The following ABCA4 variants were observed in gnomAD, a reference collection of about 807,000 sequenced individuals.
ABCA4 encodes the protein ATP binding cassette subfamily A member 4, also known as retinal-specific phospholipid-transporting ATPase ABCA4.
In ABCA4, 196 loss-of-function variants were observed where a neutral mutation model predicts 263.7. That is an observed-to-expected ratio of 0.74 (90% CI 0.66 to 0.84). The LOEUF (loss-of-function observed/expected upper bound fraction) is 0.84. ABCA4 is among the 40% of genes least tolerant of loss of function. The probability of loss-of-function intolerance (pLI) is 0.00; values close to 1 mark genes in which losing one functional copy is unlikely to be tolerated. For missense variants in ABCA4, 2,792 were observed against 2,855.1 expected, an observed-to-expected ratio of 0.98 and a Z score of 0.50; for synonymous variants, 1,133 against 1,094.2, an observed-to-expected ratio of 1.04 and a Z score of -0.70.
intron 35 of ABCA4, among the ~76,000 whole-genome samples, chr1:94,020,103 A>G (rs537307316): frequency 6.6e-6 from 1 of 152,312 alleles, no homozygotes; most frequent in African/African-American, 2.4e-5. Flanking sequence ...CTGTCTATAG[A>G]GTCTCTTGAA....
intron 6 of ABCA4, among the ~76,000 whole-genome samples, chr1:94,092,683 T>G (rs1222300277): frequency 6.7e-6 from 1 of 149,454 alleles, no homozygotes; most frequent in Non-Finnish European, 1.5e-5. Flanking sequence ...ATGAGACTCT[T>G]TGGCTCAACA....
chr1:94,044,782 T>G, intron 19 of ABCA4, 38 bp from the exon 20 acceptor site: 1 of 1,614,120 alleles, frequency 6.2e-7, no homozygotes, highest in Admixed American at 1.7e-5. Flanking sequence ...AGAGATGGCC[T>G]TTAGCAACAT....
chr1:94,058,889 C>T (rs574559854), intron 14 of ABCA4, among the ~76,000 whole-genome samples: 1 of 152,172 alleles, frequency 6.6e-6, no homozygotes, highest in African/African-American at 2.4e-5. Context: ...CAGCTTCTTT[C>T]CTGTGTTGTT....
In ABCA4 at chr1:94,077,843, C is replaced by A; in HGVS notation, c.1401G>T (p.Gln467His). 6.2e-7 allele frequency: 1 copy of A among 1,614,228 alleles called. No individual in the cohort carries two copies. Among genetic ancestry groups the A allele is most frequent in the Non-Finnish European group, 8.5e-7 (1 of 1,180,038 alleles). Reference sequence around the variant, plus strand: ...CAGCAGTAATACCTTCTTCACCAAGCTGCCTATTCAAAAAGTCTTTTACTG... The same window carrying A: ...CAGCAGTAATACCTTCTTCACCAAGATGCCTATTCAAAAAGTCTTTTACTG... ...NPTVKDFLNRQLGEEGITAEA... is the reference protein window; with the variant it reads ...NPTVKDFLNRHLGEEGITAEA... Residue 467 changes from glutamine (Q) to histidine (H), a missense_variant, in exon 11 of 50, where the codon CAG (glutamine) becomes CAT (histidine). By Grantham distance (24) the Gln-to-His change is conservative. Transcript: ENST00000370225.
At chr1:94,004,824 A>G (rs944985481) in intron 44 of ABCA4, among the ~76,000 whole-genome samples, 1 of 152,060 alleles carries the variant, frequency 6.6e-6, no homozygotes, top group South Asian at 2.1e-4. Flanking sequence ...TTTCTGGTTT[A>G]TCCTTTCTAC....
chr1:94,067,973 A>G (rs1370711879), intron 11 of ABCA4, among the ~76,000 whole-genome samples: 1 of 152,196 alleles, frequency 6.6e-6, no homozygotes, highest in Non-Finnish European at 1.5e-5. Context: ...GTTTTTGCAA[A>G]ATATCTTGAA....
chr1:94,119,394 C>G (rs1335601450), intron 1 of ABCA4, among the ~76,000 whole-genome samples: 1 of 152,210 alleles, frequency 6.6e-6, no homozygotes, highest in Non-Finnish European at 1.5e-5. Context: ...CCTGGGCCAG[C>G]CACACACAGG....
At chr1:94,058,443 C>A (rs949731622) in intron 14 of ABCA4, among the ~76,000 whole-genome samples, 4 of 152,170 alleles carry the variant, frequency 2.6e-5, no homozygotes, top group Non-Finnish European at 2.9e-5. Context: ...CTCACTGAGA[C>A]CTCCACCTCC....
Position 94,014,535 on chromosome 1 carries a change from A to G in ABCA4, c.5460+8T>C, listed in dbSNP as rs562309815. The G allele has an allele frequency of 2.5e-6, 4 of 1,614,196 alleles. No individual in the cohort carries two copies. Reference sequence around the variant, plus strand: ...ATCAAACAAAAAAGCCAAGAAAGTTATGCTCACCCGGTTATTCTCAAATAA... The same window carrying G: ...ATCAAACAAAAAAGCCAAGAAAGTTGTGCTCACCCGGTTATTCTCAAATAA... On this transcript the variant is annotated splice_region_variant and intron_variant, in intron 38 of 49. Coordinates refer to ENST00000370225, the MANE Select transcript of ABCA4 (RefSeq NM_000350.3).
chr1:94,022,981 T>C (rs2101025460), intron 32 of ABCA4, among the ~76,000 whole-genome samples: 1 of 152,330 alleles, frequency 6.6e-6, no homozygotes, highest in African/African-American at 2.4e-5. Context: ...ACCTCCAGGA[T>C]GCCTCAGGAA....
intron 6 of ABCA4, among the ~76,000 whole-genome samples, chr1:94,092,360 G>A (rs999829014): frequency 1.3e-5 from 2 of 152,212 alleles, no homozygotes; most frequent in African/African-American, 4.8e-5. Flanking sequence ...ACATTTATCC[G>A]GGAGGGAAGT....
chr1:94,001,752 C>T, intron 45 of ABCA4, 106 bp downstream of exon 45: 3 of 1,542,618 alleles, frequency 1.9e-6, no homozygotes, highest in Non-Finnish European at 2.7e-6. Flanking sequence ...CAGACTAAAG[C>T]CAAACTGCTG....
intron 16 of ABCA4, among the ~76,000 whole-genome samples, chr1:94,053,314 G>C (rs1053730304): frequency 2.0e-5 from 3 of 152,190 alleles, no homozygotes; most frequent in Non-Finnish European, 4.4e-5. Flanking sequence ...TGGAGTCTGT[G>C]TGAATTCTGG....
chr1:94,080,598 G>A lies in ABCA4; in HGVS notation c.979C>T (p.Pro327Ser). ...AGCACCCGAGAGCCACCTCCCTCGG[G>A]GTAGCCACACAGGAGGTCAGACAGG... ...GILSDLLCGY[P>S]EGGGSRVLSF... is the part of the protein sequence containing the mutation. The change falls in exon 8 of 50, where the codon CCC (proline) becomes TCC (serine). Residue 327 changes from proline to serine, a missense_variant. By Grantham distance (74) the Pro-to-Ser change is moderately conservative. Coordinates refer to ENST00000370225, the MANE Select transcript of ABCA4 (RefSeq NM_000350.3). 6.2e-7 allele frequency: 1 copy of A among 1,614,072 alleles called. No homozygotes were observed. Among genetic ancestry groups the A allele is most frequent in the Non-Finnish European group, 8.5e-7 (1 of 1,180,016 alleles).
At position 94,108,689 on chromosome 1, in the gene ABCA4, T is replaced by C. The variant is rs753880365; in HGVS notation, c.330A>G (p.Gln110=). 1.3e-5 allele frequency: 21 copies of C among 1,613,932 alleles called. No homozygotes were observed. The highest frequency in any genetic ancestry group is 1.6e-5 in the Non-Finnish European group (19 of 1,180,024). ...SILARVYRDF[Q]ELLMNAPESQ... ...TCTCTGGTGCATTCATGAGGAGTTC[T>C]TGAAAATCTCGATATACCCTTGCCA... Residue 110 remains glutamine, a synonymous_variant, in exon 4 of 50, where the codon CAA becomes CAG. Coordinates refer to ENST00000370225, the MANE Select transcript of ABCA4 (RefSeq NM_000350.3).
rs541209823 is a variant in ABCA4 at position 93,993,392 on chromosome 1, G to A, written c.6817-150C>T. On this transcript the variant is annotated intron_variant, in intron 49 of 49. Transcript: ENST00000370225. ...GATTCTGTCAGATCACCCAGGTTAT[G>A]GGCCATCTTTCTCTCCTTCTCTATG... 5.2e-6 allele frequency: 5 copies of A among 964,330 alleles called. No homozygotes were observed. In the East Asian group the frequency reaches 1.3e-4, roughly 25 times the overall value. The allele number at this position is 964,330 out of a possible 1,614,324, so 59.7% of individuals were successfully genotyped here.
chr1:94,001,659 T>C (rs975201925), intron 45 of ABCA4, 199 bp downstream of exon 45: 1 of 781,406 alleles, frequency 1.3e-6, no homozygotes, highest in African/African-American at 1.7e-5. Context: ...AAGTCAAGGC[T>C]GTGCCGTGAC....
intron 42 of ABCA4, 75 bp from the exon 43 acceptor site, chr1:94,007,815 G>T: frequency 7.2e-7 from 1 of 1,383,594 alleles, no homozygotes; most frequent in Non-Finnish European, 1.0e-6. Flanking sequence ...GGGTAAGTGT[G>T]TGTGTGAGCT....
chr1:94,015,511 C>T (rs1311483212), intron 37 of ABCA4, among the ~76,000 whole-genome samples: 3 of 152,138 alleles, frequency 2.0e-5, no homozygotes, highest in Non-Finnish European at 4.4e-5. Flanking sequence ...GGACTTCTCT[C>T]ATTGTCACTG....
Sources: gnomAD v4.1 joint callset for allele counts (sites outside exome capture counted in the v4.1 genomes callset) on GRCh38, gnomAD v4.1.1 for gene constraint, MANE v1.5 for transcripts, NCBI Gene and HGNC (gene_info 2026-07-23, HGNC 2026-07-21) for gene names.